LONRF2: variants seen among roughly 807,000 people sequenced by gnomAD.
The protein encoded by LONRF2 is LON peptidase N-terminal domain and ring finger 2.
In LONRF2, 35 loss-of-function variants were observed where a neutral mutation model predicts 66.6. The ratio of observed to expected loss-of-function variants is 0.53; its 90% CI spans 0.40 to 0.70. The LOEUF (loss-of-function observed/expected upper bound fraction) is 0.70. Ranked by LOEUF, LONRF2 falls within the 30% of genes least tolerant of loss-of-function variation. The probability of loss-of-function intolerance (pLI) is 0.00; values close to 1 mark genes in which losing one functional copy is unlikely to be tolerated. For synonymous variants in LONRF2, 417 were observed against 418.1 expected (o/e 1.00, Z 0.03); for missense variants, 902 against 1,002.1 (o/e 0.90, Z 1.35).
At chr2:100,311,894 C>A (rs938678281) in intron 1 of LONRF2, among the ~76,000 whole-genome samples, 2 of 152,122 alleles carry the variant, frequency 1.3e-5, no homozygotes, top group Non-Finnish European at 2.9e-5. Flanking sequence ...AGTATAAGCT[C>A]TTCTTGGTCT....
In LONRF2 at chr2:100,321,603, T is replaced by C; in HGVS notation, c.491A>G (p.Lys164Arg). The C allele has an allele frequency of 6.6e-7, 1 of 1,518,142 alleles. No individual in the cohort carries two copies. Among genetic ancestry groups the C allele is most frequent in the Non-Finnish European group, 8.7e-7 (1 of 1,144,900 alleles). The allele number at this position is 1,518,142 out of a possible 1,614,324, so 94.0% of individuals were successfully genotyped here. A position where few individuals can be genotyped will look rare whatever the true frequency, so the allele number is the denominator to read the frequency against. ...VTLPCGLTVC[K>R]RCVEPGPARP... ...CGCGGGCCCTGGCTCCACGCAGCGC[T>C]TGCAGACTGTGAGCCCGCAGGGCAG... is the stretch of plus-strand genomic sequence containing the variant. The change falls in exon 1 of 12, where the codon AAG becomes AGG. Residue 164 changes from lysine (K) to arginine (R), a missense_variant. By Grantham distance (26) the Lys-to-Arg change is conservative. Around this residue, in one of 2 missense-constraint regions of LONRF2, gnomAD observed 585 missense variants for 569.9 expected, o/e 1.03. Coordinates refer to ENST00000393437, the MANE Select transcript of LONRF2 (RefSeq NM_198461.4).
At chr2:100,314,041 C>T (rs1675458596) in intron 1 of LONRF2, among the ~76,000 whole-genome samples, 1 of 151,886 alleles carries the variant, frequency 6.6e-6, no homozygotes, top group Admixed American at 6.6e-5. Context: ...ATGTTTCTGG[C>T]ATATATAAAT....
rs4851284 is a variant in LONRF2 at position 100,278,425 on chromosome 2, C to T, written c.*5873G>A. On this transcript the variant is annotated 3_prime_UTR_variant, in exon 12 of 12. Transcript: ENST00000393437. ...CCACTAACCCCAGGGCTCCCACAGG[C>T]CGTGCAGCTGCTCATCCGATACGGG... 0.67 allele frequency: 102,167 copies of T among 151,960 alleles called. 34,915 individuals carry two copies. The highest frequency in any genetic ancestry group is 0.96 in the East Asian group (4,967 of 5,150). 9.4% of individuals were successfully genotyped at this position (151,960 alleles called of 1,614,324 possible).
At chr2:100,302,820 A>G in intron 3 of LONRF2, 101 bp downstream of exon 3, 1 of 1,197,352 alleles carries the variant, frequency 8.4e-7, no homozygotes, top group Non-Finnish European at 1.1e-6. Context: ...GAACATTCAG[A>G]ATTATATTTC....
At chr2:100,317,486 C>T (rs1675531493) in intron 1 of LONRF2, among the ~76,000 whole-genome samples, 1 of 152,120 alleles carries the variant, frequency 6.6e-6, no homozygotes, top group South Asian at 2.1e-4. Flanking sequence ...TTACAAATAC[C>T]ACAAGACATT....
intron 7 of LONRF2, among the ~76,000 whole-genome samples, chr2:100,297,461 C>T (rs966243560): frequency 6.6e-6 from 1 of 152,174 alleles, no homozygotes. Flanking sequence ...CTAGTGACGA[C>T]CTCCAGCTAT....
Position 100,284,122 on chromosome 2 carries a change from G to T in LONRF2, c.*176C>A. ...TTCAGGCTAACCTCACACAAGGTCA[G>T]ATCCCACCAGACACAGAATTGTCAT... is the stretch of plus-strand genomic sequence containing the variant. On this transcript the variant is annotated 3_prime_UTR_variant, in exon 12 of 12. Transcript: ENST00000393437. 1 of 608,968 alleles carries T rather than the reference G, an allele frequency of 1.6e-6. No homozygotes were observed. The allele number at this position is 608,968 out of a possible 1,614,324, so 37.7% of individuals were successfully genotyped here.
chr2:100,279,738 C>G lies in LONRF2; in HGVS notation c.*4560G>C, dbSNP rs958696883. The stretch of plus-strand genomic sequence containing the variant: ...TTACAACCTAGGAAGCAATATCCCC[C>G]ACCCTAACGACCCGGGGCTAGGTGC... On this transcript the variant is annotated 3_prime_UTR_variant, in exon 12 of 12. Transcript: ENST00000393437. 6.6e-5 allele frequency: 10 copies of G among 152,282 alleles called. No individual in the cohort carries two copies. Among genetic ancestry groups the G allele is most frequent in the African/African-American group, 2.2e-4 (9 of 41,430 alleles). 9.4% of individuals were successfully genotyped at this position (152,282 alleles called of 1,614,324 possible). A position where few individuals can be genotyped will look rare whatever the true frequency, so the allele number is the denominator to read the frequency against.
chr2:100,298,801 A>T, intron 7 of LONRF2, 35 bp downstream of exon 7: 1 of 1,489,798 alleles, frequency 6.7e-7, no homozygotes, highest in Admixed American at 1.7e-5. Flanking sequence ...GGATGAGAGG[A>T]GGAGCTGTCC....
At chr2:100,291,861 T>C (rs1284703951) in intron 9 of LONRF2, among the ~76,000 whole-genome samples, 3 of 152,210 alleles carry the variant, frequency 2.0e-5, no homozygotes, top group Non-Finnish European at 4.4e-5. Flanking sequence ...AACCTAGTGA[T>C]GTTCTCACGC....
At chr2:100,317,852 T>C (rs1342761161) in intron 1 of LONRF2, among the ~76,000 whole-genome samples, 1 of 152,174 alleles carries the variant, frequency 6.6e-6, no homozygotes, top group Admixed American at 6.5e-5. Context: ...AAATATGTCC[T>C]GTCTTCTCTA....
rs987616720 is a variant in LONRF2 at position 100,272,175 on chromosome 2, C to T, written c.*12123G>A. On this transcript the variant is annotated 3_prime_UTR_variant, in exon 12 of 12. Transcript: ENST00000393437. ...ATCATTCTCTCTTTAGTAACCAACA[C>T]AAGATTGTCCTAAGAAGAAAAAGAT... Among the ~76,000 whole-genome samples the T allele has an allele frequency of 2.6e-5, 4 of 152,188 alleles. No homozygotes were observed. Among genetic ancestry groups the T allele is most frequent in the Non-Finnish European group, 5.9e-5 (4 of 68,034 alleles).
chr2:100,321,295 C>T lies in LONRF2; in HGVS notation c.679+120G>A, dbSNP rs946017926. The T allele has an allele frequency of 4.5e-6, 4 of 885,634 alleles. No individual in the cohort carries two copies. In the African/African-American group the frequency reaches 7.1e-5, roughly 16 times the overall value. The allele number at this position is 885,634 out of a possible 1,614,324, so 54.9% of individuals were successfully genotyped here. On this transcript the variant is annotated intron_variant, in intron 1 of 11. Coordinates refer to ENST00000393437, the MANE Select transcript of LONRF2 (RefSeq NM_198461.4). ...TTCCCATCCTTAGGAAGCAAAGTGA[C>T]CCCTAAGCCTAGACAAAGCTCTCGA...
chr2:100,287,166 C>T (rs1156687736), intron 10 of LONRF2, 103 bp from the exon 11 acceptor site: 4 of 1,100,468 alleles, frequency 3.6e-6, no homozygotes, highest in Non-Finnish European at 4.9e-6. Context: ...TGGCAGTTAG[C>T]ATTTTAATAA....
At chr2:100,285,290 C>A (rs1001635313) in intron 11 of LONRF2, among the ~76,000 whole-genome samples, 1 of 152,192 alleles carries the variant, frequency 6.6e-6, no homozygotes, top group African/African-American at 2.4e-5. Flanking sequence ...GTGGCCAAAG[C>A]TCACCAGGGG....
At chr2:100,297,964 A>T (rs1675105905) in intron 7 of LONRF2, among the ~76,000 whole-genome samples, 1 of 149,938 alleles carries the variant, frequency 6.7e-6, no homozygotes, top group Non-Finnish European at 1.5e-5. Flanking sequence ...TAAAAAATAA[A>T]TTTTACTGTA....
Position 100,321,954 on chromosome 2 carries a change from C to A in LONRF2, c.140G>T (p.Arg47Leu), listed in dbSNP as rs1314816134. The A allele has an allele frequency of 1.4e-6, 2 of 1,461,344 alleles. No individual in the cohort carries two copies. The highest frequency in any genetic ancestry group is 1.4e-5 in the African/African-American group (1 of 69,110). The allele number at this position is 1,461,344 out of a possible 1,614,324, so 90.5% of individuals were successfully genotyped here. A position where few individuals can be genotyped will look rare whatever the true frequency, so the allele number is the denominator to read the frequency against. Reference sequence around the variant, plus strand: ...CTGCGCCAGCCCGGCTAGCATGGAGCGAAAGAGCTCGGCTGCCATCTCGTA... The same window carrying A: ...CTGCGCCAGCCCGGCTAGCATGGAGAGAAAGAGCTCGGCTGCCATCTCGTA... ...GDYEMAAELF[R>L]SMLAGLAQPD... The change falls in exon 1 of 12, where the codon CGC becomes CTC. Residue 47 changes from arginine (R) to leucine (L), a missense_variant. Transcript: ENST00000393437.
rs1002070490 is a variant in LONRF2 at position 100,295,489 on chromosome 2, G to A, written c.1541C>T (p.Pro514Leu). Residue 514 changes from proline to leucine, a missense_variant, in exon 8 of 12, where the codon CCG becomes CTG. By Grantham distance (98) the Pro-to-Leu change is moderately conservative (BLOSUM62 -3). This residue lies in a region of LONRF2 where 317 missense variants were observed against 432.2 expected (regional missense o/e 0.73). Coordinates refer to ENST00000393437, the MANE Select transcript of LONRF2 (RefSeq NM_198461.4). ...LAEELIFRYL[P>L]DELSDRKRIY... is the part of the protein sequence containing the mutation. Reference sequence around the variant, plus strand: ...TCTCTTCCTATCAGACAATTCATCCGGCAAATATCGAAATATTAATTCTTC... The same window carrying A: ...TCTCTTCCTATCAGACAATTCATCCAGCAAATATCGAAATATTAATTCTTC... 1.2e-4 allele frequency: 187 copies of A among 1,613,070 alleles called. No homozygotes were observed. Among genetic ancestry groups the A allele is most frequent in the Non-Finnish European group, 1.5e-4 (175 of 1,179,502 alleles).
chr2:100,320,114 G>T (rs1352506605), intron 1 of LONRF2, among the ~76,000 whole-genome samples: 1 of 152,156 alleles, frequency 6.6e-6, no homozygotes, highest in Non-Finnish European at 1.5e-5. Flanking sequence ...TTTTAAAATT[G>T]AAGGCATGTT....
Sources: allele counts gnomAD v4.1 joint callset (sites outside exome capture counted in the v4.1 genomes callset), GRCh38; gene constraint gnomAD v4.1.1; regional missense constraint gnomAD v4.1.1; transcripts MANE v1.5; gene names NCBI Gene and HGNC (gene_info 2026-07-23, HGNC 2026-07-21).